Variants in DAB1 observed in about 807,000 individuals in gnomAD.
DAB1 encodes the protein DAB adaptor protein 1.
DAB1 carries 15 observed loss-of-function variants against 64.6 expected under a neutral mutation model. That is an observed-to-expected ratio of 0.23 (90% CI 0.16 to 0.36). The LOEUF is 0.36. Among genes scored for constraint, DAB1 ranks in the 10% least tolerant of loss-of-function variants. DAB1 has a pLI of 1.00. For missense variants in DAB1, 596 were observed against 706.7 expected (o/e 0.84, Z 1.78); for synonymous variants, 235 against 251.9 (o/e 0.93, Z 0.64).
chr1:58,473,556 ATAAAT>A (rs1557431461), intron 3 of DAB1, among the ~76,000 whole-genome samples: 10 of 114,142 alleles, frequency 8.8e-5, no homozygotes, highest in East Asian at 2.2e-4. Flanking sequence ...AAATAAATAA[ATAAAT>A]AAATAAATAA....
chr1:57,621,938 A>G (rs568909912), intron 7 of DAB1, among the ~76,000 whole-genome samples: 3 of 152,326 alleles, frequency 2.0e-5, no homozygotes, highest in African/African-American at 7.2e-5. Flanking sequence ...ACATAGAGCA[A>G]GGCATCAGTA....
intron 3 of DAB1, among the ~76,000 whole-genome samples, chr1:58,500,057 G>GA (rs1569899467): frequency 6.6e-6 from 1 of 151,982 alleles, no homozygotes; most frequent in Admixed American, 6.6e-5. Context: ...TTTCAAGAGG[G>GA]AAAAAAATCA....
At chr1:57,506,407 G>T (rs974960053) in intron 7 of DAB1, among the ~76,000 whole-genome samples, 2 of 152,142 alleles carry the variant, frequency 1.3e-5, no homozygotes, top group African/African-American at 4.8e-5. Flanking sequence ...ATATTTCCTG[G>T]ACTTCTGGCA....
chr1:57,171,290 T>C (rs529010310), intron 2 of DAB1, among the ~76,000 whole-genome samples: 28 of 152,286 alleles, frequency 1.8e-4, no homozygotes, highest in Admixed American at 4.6e-4. Context: ...AATACTACTT[T>C]AAATTTTAAA....
intron 2 of DAB1, among the ~76,000 whole-genome samples, chr1:57,207,805 T>C (rs574399841): frequency 2.4e-4 from 37 of 152,280 alleles, no homozygotes; most frequent in Non-Finnish European, 4.4e-4. Flanking sequence ...TCCAGCAAGG[T>C]GTCAAGTCCT....
intron 5 of DAB1, among the ~76,000 whole-genome samples, chr1:58,037,033 C>T (rs4328097): frequency 0.016 from 2,405 of 152,098 alleles, 67 homozygotes; most frequent in East Asian, 0.1. Flanking sequence ...AGAATGAAGA[C>T]CCTAGGATGC....
rs533098841 is a variant in DAB1 at position 57,826,191 on chromosome 1, C to A, written n.352G>T. 2.0e-5 allele frequency: 3 copies of A among 152,298 alleles called. No homozygotes were observed. In the South Asian group the frequency reaches 6.2e-4, roughly 32 times the overall value. 9.4% of individuals were successfully genotyped at this position (152,298 alleles called of 1,614,324 possible). On this transcript the variant is annotated non_coding_transcript_exon_variant, in exon 2 of 2. Transcript: ENST00000477280. ...ATAAACAGTTTCATGCTATCCACTG[C>A]CAAGGAAGTGGGATGTTTGATGTTT...
chr1:57,049,077 C>A (rs765225816), intron 9 of DAB1, among the ~76,000 whole-genome samples: 2 of 152,056 alleles, frequency 1.3e-5, no homozygotes, highest in Non-Finnish European at 2.9e-5. Flanking sequence ...AATGTGACAA[C>A]CCAAATGTGA....
In DAB1 at chr1:57,376,282, G is replaced by A. The variant is rs1038277122; in HGVS notation, c.-137+47648C>T. The stretch of plus-strand genomic sequence containing the variant: ...CTCTAGTCTGTCTGTGTAAATTTGC[G>A]CTGATCATCAATGGGCAAGGATCCA... On this transcript the variant is annotated intron_variant, in intron 1 of 14. Transcript: ENST00000371236. Among the ~76,000 whole-genome samples, 12 of 152,184 alleles carry A rather than the reference G, an allele frequency of 7.9e-5. No homozygotes were observed. The South Asian group carries it at 1.0e-3, about 13-fold the overall frequency.
rs143518123 is a variant in DAB1 at position 58,071,405 on chromosome 1, TGGGTGG to T, written n.387+79100_387+79105del. On this transcript the variant is annotated intron_variant and non_coding_transcript_variant, in intron 5 of 20. Transcript: ENST00000485760. ...GTGTGTGTGTGTGTGTGTGTGTGTG[TGGGTGG>T]GGAGAGACTGAAGTTCCCGCTGCTG... is the stretch of plus-strand genomic sequence containing the variant. 1,040 of 144,934 alleles carry T rather than the reference TGGGTGG, an allele frequency of 7.2e-3. 11 individuals are homozygous for T. The highest frequency in any genetic ancestry group is 0.026 in the African/African-American group (999 of 38,428). The allele number at this position is 144,934 out of a possible 1,614,324, so 9.0% of individuals were successfully genotyped here.
At chr1:58,433,567 AAGAGAGAG>A (rs67547933) in intron 3 of DAB1, among the ~76,000 whole-genome samples, 146 of 114,500 alleles carry the variant, frequency 1.3e-3, no homozygotes, top group Non-Finnish European at 1.7e-3. Context: ...GTCCATGCAT[AAGAGAGAG>A]AGAGAGAGAG....
At chr1:57,242,824 T>C (rs1383587217) in intron 2 of DAB1, among the ~76,000 whole-genome samples, 1 of 152,212 alleles carries the variant, frequency 6.6e-6, no homozygotes, top group African/African-American at 2.4e-5. Context: ...CCTTTCTCGC[T>C]AAGCATTTCA....
At chr1:57,106,175 G>A (rs1655121838) in intron 4 of DAB1, among the ~76,000 whole-genome samples, 4 of 152,006 alleles carry the variant, frequency 2.6e-5, no homozygotes, top group Admixed American at 2.6e-4. Flanking sequence ...AAACAGAAAC[G>A]AGATCTTAAA....
chr1:57,314,965 G>A (rs969364965), intron 1 of DAB1, among the ~76,000 whole-genome samples: 60 of 152,110 alleles, frequency 3.9e-4, no homozygotes, highest in African/African-American at 1.4e-3. Context: ...ACTTTGAAAA[G>A]CCCTTTGTCA....
chr1:58,369,398 C>T (rs1644245493), intron 3 of DAB1, among the ~76,000 whole-genome samples: 1 of 152,152 alleles, frequency 6.6e-6, no homozygotes, highest in Admixed American at 6.5e-5. Context: ...TTTCTGAGAT[C>T]TTGATGAACT....
chr1:58,108,922 C>A (rs1651815346), intron 5 of DAB1, among the ~76,000 whole-genome samples: 1 of 152,094 alleles, frequency 6.6e-6, no homozygotes, highest in South Asian at 2.1e-4. Flanking sequence ...ATGGAATAGT[C>A]TTGAGATGCA....
At chr1:57,830,610 T>C (rs1652543712) in intron 1 of DAB1, among the ~76,000 whole-genome samples, 1 of 152,172 alleles carries the variant, frequency 6.6e-6, no homozygotes, top group African/African-American at 2.4e-5. Context: ...TATAGTTCCC[T>C]GTGCAGGAAA....
chr1:58,217,912 C>G (rs182437234), intron 4 of DAB1, among the ~76,000 whole-genome samples: 3 of 152,124 alleles, frequency 2.0e-5, no homozygotes, highest in Admixed American at 2.0e-4. Flanking sequence ...AGTAGAGGTA[C>G]TATATCAGCT....
At chr1:57,054,582 A>G (rs554296446) in intron 9 of DAB1, among the ~76,000 whole-genome samples, 3 of 141,128 alleles carry the variant, frequency 2.1e-5, no homozygotes, top group Non-Finnish European at 4.5e-5. Context: ...GGTTCACGCC[A>G]TTCTCCTGCC....
Sources: allele counts gnomAD v4.1 joint callset (sites outside exome capture counted in the v4.1 genomes callset), GRCh38; gene constraint gnomAD v4.1.1; transcripts MANE v1.5; gene names NCBI Gene and HGNC (gene_info 2026-07-23, HGNC 2026-07-21).